Variants in TMEM14B observed in about 807,000 individuals in gnomAD.
The protein encoded by TMEM14B is transmembrane protein 14B.
In TMEM14B, 9 loss-of-function variants were observed where a neutral mutation model predicts 14.8. That is an observed-to-expected ratio of 0.61 (90% CI 0.37 to 1.06). The LOEUF is 1.06. Among genes scored for constraint, TMEM14B ranks in the 50% least tolerant of loss-of-function variants. The probability of loss-of-function intolerance (pLI) is 0.01; values close to 1 mark genes in which losing one functional copy is unlikely to be tolerated. For missense variants in TMEM14B, 128 were observed against 143.6 expected (o/e 0.89, Z 0.56); for synonymous variants, 40 against 51.3 (o/e 0.78, Z 0.94).
At chr6:10,751,568 G>A (rs1771571065) in intron 4 of TMEM14B, among the ~76,000 whole-genome samples, 1 of 152,030 alleles carries the variant, frequency 6.6e-6, no homozygotes, top group Admixed American at 6.6e-5. Context: ...TATTTACCCA[G>A]TAAAGTCAGC....
Position 10,749,233 on chromosome 6 carries a change from T to G in TMEM14B, c.-13T>G. The G allele has an allele frequency of 6.2e-7, 1 of 1,614,152 alleles. No homozygotes were observed. The highest frequency in any genetic ancestry group is 8.5e-7 in the Non-Finnish European group (1 of 1,179,998). ...GCCTGGGGTAGTCTCCTTTCTGGAC[T>G]GAGAAGAGAAGAATGGAGAAGCCCC... On this transcript the variant is annotated 5_prime_UTR_variant, in exon 2 of 6. Coordinates refer to ENST00000379542, the MANE Select transcript of TMEM14B (RefSeq NM_030969.5).
intron 3 of TMEM14B, among the ~76,000 whole-genome samples, chr6:10,750,241 A>G (rs1207420053): frequency 6.6e-6 from 1 of 151,658 alleles, no homozygotes; most frequent in Non-Finnish European, 1.5e-5. Context: ...CTGCCTGTAC[A>G]CAATTCCAGC....
chr6:10,751,828 T>G (rs145621466), intron 4 of TMEM14B, among the ~76,000 whole-genome samples: 1 of 152,226 alleles, frequency 6.6e-6, no homozygotes, highest in Non-Finnish European at 1.5e-5. Flanking sequence ...ACTGGAAAGG[T>G]ACCCTGTGAG....
chr6:10,750,820 G>A (rs1771521455), intron 3 of TMEM14B, among the ~76,000 whole-genome samples: 1 of 152,006 alleles, frequency 6.6e-6, no homozygotes, highest in South Asian at 2.1e-4. Context: ...AACAGGGTTA[G>A]TAAAAACAAG....
At chr6:10,748,095 T>TA (rs1441504053) in intron 1 of TMEM14B, among the ~76,000 whole-genome samples, 1 of 152,172 alleles carries the variant, frequency 6.6e-6, no homozygotes, top group Non-Finnish European at 1.5e-5. Context: ...GGCAAAGGCT[T>TA]ACCCTTGTAG....
At chr6:10,748,435 T>C (rs1022702519) in intron 1 of TMEM14B, among the ~76,000 whole-genome samples, 1 of 151,888 alleles carries the variant, frequency 6.6e-6, no homozygotes, top group Non-Finnish European at 1.5e-5. Context: ...TGTGTTTTAA[T>C]AGAATATGGG....
chr6:10,751,007 C>A, intron 3 of TMEM14B, 126 bp from the exon 4 acceptor site: 2 of 1,111,686 alleles, frequency 1.8e-6, no homozygotes, highest in Non-Finnish European at 1.3e-6. Context: ...TGCTTGAGTC[C>A]ACCTTGGCTG....
chr6:10,749,572 T>C, intron 2 of TMEM14B, 50 bp from the exon 3 acceptor site: 1 of 1,604,424 alleles, frequency 6.2e-7, no homozygotes, highest in South Asian at 1.1e-5. Flanking sequence ...TGGTTTGTTT[T>C]TAAATCCAGG....
At chr6:10,749,736 A>G (rs1771475244) in intron 3 of TMEM14B, 38 bp downstream of exon 3, 2 of 1,610,808 alleles carry the variant, frequency 1.2e-6, no homozygotes, top group African/African-American at 1.3e-5. Flanking sequence ...TAACATCTTC[A>G]CGTTGTTCCA....
At chr6:10,756,421 G>A (rs1193062397) in intron 5 of TMEM14B, 46 bp from the exon 6 acceptor site, 3 of 1,608,476 alleles carry the variant, frequency 1.9e-6, no homozygotes, top group Non-Finnish European at 1.7e-6. Context: ...ATAGTTGCCT[G>A]TTCTATCCTT....
intron 4 of TMEM14B, 75 bp downstream of exon 4, chr6:10,751,309 G>A: frequency 6.5e-7 from 1 of 1,532,508 alleles, no homozygotes; most frequent in Non-Finnish European, 9.0e-7. Context: ...CTGGTTTGGT[G>A]GGATGGAGCG....
In TMEM14B at chr6:10,749,610, T is replaced by G; in HGVS notation, c.24-12T>G. On this transcript the variant is annotated splice_polypyrimidine_tract_variant and intron_variant, in intron 2 of 5. Transcript: ENST00000379542. Reference sequence around the variant, plus strand: ...AGCACTGACTTCTCACTGACTTCTCTTGTGTTTTCAGAGTGCCTTTGCATT... The same window carrying G: ...AGCACTGACTTCTCACTGACTTCTCGTGTGTTTTCAGAGTGCCTTTGCATT... 6.2e-7 allele frequency: 1 copy of G among 1,614,242 alleles called. No homozygotes were observed. The highest frequency in any genetic ancestry group is 8.5e-7 in the Non-Finnish European group (1 of 1,180,012).
At chr6:10,757,248 G>C (rs1771838524), downstream of TMEM14B, among the ~76,000 whole-genome samples, 1 of 151,694 alleles carries the variant, frequency 6.6e-6, no homozygotes, top group Non-Finnish European at 1.5e-5. Context: ...TCTCACTGTA[G>C]CCTCAAACTC....
At chr6:10,757,439 G>A (rs544787201), downstream of TMEM14B, among the ~76,000 whole-genome samples, 1 of 152,142 alleles carries the variant, frequency 6.6e-6, no homozygotes, top group Non-Finnish European at 1.5e-5. Flanking sequence ...GGGGTAATGA[G>A]CATGGCCACT....
chr6:10,754,603 A>G (rs777368695), intron 4 of TMEM14B, among the ~76,000 whole-genome samples: 2 of 152,236 alleles, frequency 1.3e-5, no homozygotes, highest in African/African-American at 2.4e-5. Flanking sequence ...TGTAGCATCA[A>G]TTATACCTGA....
intron 3 of TMEM14B, 169 bp downstream of exon 3, chr6:10,749,867 C>G (rs1771481221): frequency 2.6e-6 from 2 of 772,148 alleles, no homozygotes; most frequent in Admixed American, 4.5e-5. Flanking sequence ...TTGCCTTTTG[C>G]TTATCTGGTG....
intron 4 of TMEM14B, among the ~76,000 whole-genome samples, chr6:10,752,587 G>T (rs1771633970): frequency 6.6e-6 from 1 of 151,090 alleles, no homozygotes; most frequent in South Asian, 2.1e-4. Flanking sequence ...CTTCTAGGTA[G>T]TTGGGATTAC....
chr6:10,758,499 A>G (rs937034985), downstream of TMEM14B, among the ~76,000 whole-genome samples: 3 of 152,230 alleles, frequency 2.0e-5, no homozygotes, highest in African/African-American at 7.2e-5. Flanking sequence ...CTCTGCAAAG[A>G]TCCCTGAGTA....
chr6:10,754,263 G>C (rs1771713956), intron 4 of TMEM14B, among the ~76,000 whole-genome samples: 1 of 152,154 alleles, frequency 6.6e-6, no homozygotes, highest in African/African-American at 2.4e-5. Context: ...GCATCCCTCT[G>C]CTTAGTATCC....
Sources: allele counts gnomAD v4.1 joint callset (sites outside exome capture counted in the v4.1 genomes callset), GRCh38; gene constraint gnomAD v4.1.1; transcripts MANE v1.5; gene names NCBI Gene and HGNC (gene_info 2026-07-23, HGNC 2026-07-21).